DPYD: variants seen among roughly 807,000 people sequenced by gnomAD.
The protein encoded by DPYD is dihydropyrimidine dehydrogenase [NADP(+)].
In DPYD, 109 loss-of-function variants were observed where a neutral mutation model predicts 116.2. That is an observed-to-expected ratio of 0.94 (90% CI 0.80 to 1.10). DPYD has a LOEUF of 1.10. Ranked by LOEUF, DPYD falls within the 50% of genes least tolerant of loss-of-function variation. The pLI is 0.00. For synonymous variants in DPYD, 440 were observed against 432.0 expected (o/e 1.02, Z -0.23); for missense variants, 1,302 against 1,254.5 (o/e 1.04, Z -0.57).
At chr1:97,085,320 C>T (rs1570429607) in intron 21 of DPYD, among the ~76,000 whole-genome samples, 1 of 152,114 alleles carries the variant, frequency 6.6e-6, no homozygotes, top group Non-Finnish European at 1.5e-5. Flanking sequence ...TTGTATATGC[C>T]TTAGAAATTT....
At chr1:97,282,292 CT>C (rs1281094557) in intron 18 of DPYD, among the ~76,000 whole-genome samples, 3 of 151,952 alleles carry the variant, frequency 2.0e-5, no homozygotes, top group East Asian at 1.9e-4. Flanking sequence ...TAATTTTGTT[CT>C]TTTTTTGATA....
intron 18 of DPYD, among the ~76,000 whole-genome samples, chr1:97,279,101 T>C (rs1360513726): frequency 2.0e-5 from 3 of 152,118 alleles, no homozygotes; most frequent in African/African-American, 7.2e-5. Flanking sequence ...ATATGAATGA[T>C]CCTGTCACCC....
chr1:97,102,102 A>T (rs999501362), intron 20 of DPYD, among the ~76,000 whole-genome samples: 1 of 151,966 alleles, frequency 6.6e-6, no homozygotes, highest in Non-Finnish European at 1.5e-5. Context: ...TTATTCATGG[A>T]TCAATCTAAA....
At chr1:97,461,062 G>A (rs540837033) in intron 13 of DPYD, among the ~76,000 whole-genome samples, 26 of 150,756 alleles carry the variant, frequency 1.7e-4, no homozygotes, top group South Asian at 8.4e-4. Context: ...AGAAAGAAGC[G>A]ATCACACTTA....
intron 19 of DPYD, among the ~76,000 whole-genome samples, chr1:97,227,122 C>T (rs762116976): frequency 1.9e-4 from 29 of 151,702 alleles, no homozygotes; most frequent in Non-Finnish European, 3.8e-4. Context: ...GTCAGAAGAT[C>T]GAGACCATCC....
chr1:97,750,197 G>A (rs149958699), intron 3 of DPYD, among the ~76,000 whole-genome samples: 3 of 151,908 alleles, frequency 2.0e-5, no homozygotes, highest in African/African-American at 7.2e-5. Context: ...ACATATTTGT[G>A]GGCAATTTCA....
rs143345140 is a variant in DPYD, at chr1:97,827,072, C to T, written c.233+1042G>A. Among the ~76,000 whole-genome samples the T allele has an allele frequency of 2.7e-3, 415 of 152,124 alleles. 2 individuals are homozygous for T. Among genetic ancestry groups the T allele is most frequent in the African/African-American group, 9.5e-3 (394 of 41,548 alleles). On this transcript the variant is annotated intron_variant, in intron 3 of 22. Transcript: ENST00000370192. ...CTTCTATTAAATTTAATTACTTTCT[C>T]CTGCTGCTTGCATGGTAAAAGGAAG...
At chr1:97,184,868 A>AT (rs1657887859) in intron 20 of DPYD, among the ~76,000 whole-genome samples, 1 of 152,146 alleles carries the variant, frequency 6.6e-6, no homozygotes, top group South Asian at 2.1e-4. Context: ...TGTAAATATC[A>AT]TTTATTTATT....
intron 2 of DPYD, among the ~76,000 whole-genome samples, chr1:97,859,039 T>C (rs1670987034): frequency 1.3e-5 from 2 of 152,160 alleles, no homozygotes; most frequent in Non-Finnish European, 2.9e-5. Context: ...TTTCTAGTGG[T>C]AATTTTTGAT....
chr1:97,362,864 A>G (rs1016720239), intron 16 of DPYD, among the ~76,000 whole-genome samples: 3 of 152,240 alleles, frequency 2.0e-5, no homozygotes, highest in Non-Finnish European at 4.4e-5. Context: ...AAGAAAACCT[A>G]GGCAATACCA....
intron 6 of DPYD, among the ~76,000 whole-genome samples, chr1:97,693,498 T>C (rs1018037259): frequency 3.9e-5 from 6 of 152,040 alleles, no homozygotes; most frequent in Non-Finnish European, 8.8e-5. Flanking sequence ...AACAAGAATG[T>C]GCCAGAATGC....
chr1:97,123,817 A>G (rs1419714026), intron 20 of DPYD, among the ~76,000 whole-genome samples: 3 of 152,034 alleles, frequency 2.0e-5, no homozygotes, highest in Non-Finnish European at 2.9e-5. Context: ...GAAATATCCA[A>G]TTTCCTCTAT....
intron 14 of DPYD, among the ~76,000 whole-genome samples, chr1:97,405,132 A>G (rs749167866): frequency 2.0e-4 from 30 of 152,048 alleles, no homozygotes; most frequent in Non-Finnish European, 3.8e-4. Flanking sequence ...GGACTTATAT[A>G]TAGGTATACA....
chr1:97,527,794 G>GAAAAAA (rs35111926), intron 12 of DPYD, among the ~76,000 whole-genome samples: 1 of 112,770 alleles, frequency 8.9e-6, no homozygotes, highest in Admixed American at 9.3e-5. Context: ...ATGAAATTTG[G>GAAAAAA]AAAAAAAAAA....
intron 13 of DPYD, among the ~76,000 whole-genome samples, chr1:97,459,922 G>A (rs978862074): frequency 7.2e-5 from 11 of 152,070 alleles, no homozygotes; most frequent in South Asian, 2.1e-4. Context: ...AAAAACATAC[G>A]CAAAAGCAAG....
intron 3 of DPYD, among the ~76,000 whole-genome samples, chr1:97,788,331 C>G (rs550466432): frequency 4.6e-5 from 7 of 152,232 alleles, no homozygotes; most frequent in African/African-American, 1.7e-4. Context: ...CTTTAGAATC[C>G]AGACCTCTAG....
intron 19 of DPYD, among the ~76,000 whole-genome samples, chr1:97,221,931 A>T (rs1008812963): frequency 6.6e-6 from 1 of 152,040 alleles, no homozygotes; most frequent in African/African-American, 2.4e-5. Context: ...CTCCCCAAAT[A>T]ACTATTTCTA....
intron 5 of DPYD, among the ~76,000 whole-genome samples, chr1:97,718,332 T>A (rs1662729864): frequency 6.6e-6 from 1 of 151,856 alleles, no homozygotes; most frequent in Admixed American, 6.6e-5. Context: ...TTCTCGCTGA[T>A]TTGTTTGAGT....
At chr1:97,840,927 C>T (rs1445402729) in intron 2 of DPYD, among the ~76,000 whole-genome samples, 1 of 152,104 alleles carries the variant, frequency 6.6e-6, no homozygotes, top group East Asian at 1.9e-4. Context: ...GTTTGCTCTT[C>T]TGACCTTCAC....
Sources: allele counts gnomAD v4.1 joint callset (sites outside exome capture counted in the v4.1 genomes callset), GRCh38; gene constraint gnomAD v4.1.1; transcripts MANE v1.5; gene names NCBI Gene and HGNC (gene_info 2026-07-23, HGNC 2026-07-21).